The following MYT1L variants were observed in gnomAD, a reference collection of about 807,000 sequenced individuals.
The protein encoded by MYT1L is myelin transcription factor 1-like protein.
MYT1L carries 12 observed loss-of-function variants against 126.7 expected under a neutral mutation model. The ratio of observed to expected loss-of-function variants is 0.09; its 90% CI spans 0.06 to 0.15. The LOEUF (loss-of-function observed/expected upper bound fraction) is 0.15. MYT1L is among the 10% of genes least tolerant of loss of function. The pLI is 1.00. For missense variants in MYT1L, 979 were observed against 1,585.2 expected, an observed-to-expected ratio of 0.62 and a Z score of 6.49; for synonymous variants, 541 against 604.2, an observed-to-expected ratio of 0.90 and a Z score of 1.53.
At chr2:2,307,093 A>G (rs929766290) in intron 1 of MYT1L, among the ~76,000 whole-genome samples, 7 of 152,188 alleles carry the variant, frequency 4.6e-5, no homozygotes, top group African/African-American at 1.7e-4. Flanking sequence ...CGAAGCACAG[A>G]CAATGAATAG....
intron 2 of MYT1L, among the ~76,000 whole-genome samples, chr2:2,248,882 A>G (rs2094583218): frequency 6.6e-6 from 1 of 152,158 alleles, no homozygotes; most frequent in African/African-American, 2.4e-5. Flanking sequence ...CAACATAAGA[A>G]AAGCCATGTA....
intron 9 of MYT1L, among the ~76,000 whole-genome samples, chr2:1,939,449 C>T (rs1186544547): frequency 6.6e-6 from 1 of 152,176 alleles, no homozygotes; most frequent in Admixed American, 6.5e-5. Flanking sequence ...GACAAAAGGA[C>T]GTCTCTGGTA....
chr2:2,231,207 T>C (rs947617083), intron 2 of MYT1L, among the ~76,000 whole-genome samples: 1 of 152,188 alleles, frequency 6.6e-6, no homozygotes, highest in African/African-American at 2.4e-5. Flanking sequence ...TATTAAAGCA[T>C]GAGAGAAGTA....
At chr2:2,270,600 C>T (rs1399506721) in intron 2 of MYT1L, among the ~76,000 whole-genome samples, 1 of 152,000 alleles carries the variant, frequency 6.6e-6, no homozygotes, top group Non-Finnish European at 1.5e-5. Context: ...AAAATTACAG[C>T]CAATCCAAGC....
chr2:1,941,246 G>T (rs112421371), intron 9 of MYT1L, among the ~76,000 whole-genome samples: 1 of 152,070 alleles, frequency 6.6e-6, no homozygotes, highest in African/African-American at 2.4e-5. Context: ...TGGTGTAAAC[G>T]ATACCTATTT....
intron 4 of MYT1L, among the ~76,000 whole-genome samples, chr2:2,040,212 G>A (rs568131897): frequency 1.3e-5 from 2 of 152,166 alleles, no homozygotes; most frequent in Non-Finnish European, 2.9e-5. Context: ...TGTGTCCTCA[G>A]CACTTGACAC....
In MYT1L at chr2:1,789,352, C is replaced by A. The variant is rs928056820; in HGVS notation, c.*2515G>T. On this transcript the variant is annotated 3_prime_UTR_variant, in exon 25 of 25. Transcript: ENST00000647738. Reference sequence around the variant, plus strand: ...CACAATAAATAGTTTATACAAAATTCTGTCTTAATAAATGATTACTTAAAT... The same window carrying A: ...CACAATAAATAGTTTATACAAAATTATGTCTTAATAAATGATTACTTAAAT... 1 of 152,140 alleles carries A rather than the reference C, an allele frequency of 6.6e-6. No homozygotes were observed. Among genetic ancestry groups the A allele is most frequent in the Non-Finnish European group, 1.5e-5 (1 of 68,018 alleles). 9.4% of individuals were successfully genotyped at this position (152,140 alleles called of 1,614,324 possible). A position where few individuals can be genotyped will look rare whatever the true frequency, so the allele number is the denominator to read the frequency against.
At position 1,922,674 on chromosome 2, in the gene MYT1L, C is replaced by G. The variant is rs1469049669; in HGVS notation, c.1095G>C (p.Glu365Asp). The G allele has an allele frequency of 6.2e-7, 1 of 1,613,750 alleles. No homozygotes were observed. Among genetic ancestry groups the G allele is most frequent in the East Asian group, 2.2e-5 (1 of 44,878 alleles). The change falls in exon 10 of 25, where the codon GAG (glutamate) becomes GAC (aspartate). Residue 365 changes from glutamate to aspartate, a missense_variant. Physicochemically the swap from Glu to Asp is conservative, Grantham distance 45 (BLOSUM62 2). Transcript: ENST00000647738. This position sits in a 1 kb window ranked among gnomAD's most constrained non-coding sequence, Gnocchi z 7.4. Reference protein sequence around the residue: ...MNIRQHVRPEEDFPGRTPDRN... With the variant: ...MNIRQHVRPEDDFPGRTPDRN... ...TGTCCGGCGTCCTTCCGGGGAAGTC[C>G]TCTTCTGGCCGGACATGCTGACGGA... is the stretch of plus-strand genomic sequence containing the variant.
At chr2:2,183,792 G>C (rs1241426957) in intron 2 of MYT1L, among the ~76,000 whole-genome samples, 1 of 139,482 alleles carries the variant, frequency 7.2e-6, no homozygotes, top group Non-Finnish European at 1.5e-5. Context: ...AGGAGAGGAG[G>C]GAAGAAAAAA....
intron 3 of MYT1L, among the ~76,000 whole-genome samples, chr2:2,055,713 C>T (rs2069438362): frequency 6.6e-6 from 1 of 152,160 alleles, no homozygotes; most frequent in South Asian, 2.1e-4. Context: ...CATTAATAAT[C>T]AAAGCCACTC....
chr2:2,184,055 A>C (rs2091859302), intron 2 of MYT1L, among the ~76,000 whole-genome samples: 1 of 150,826 alleles, frequency 6.6e-6, no homozygotes, highest in Non-Finnish European at 1.5e-5. Context: ...AAAAGAAAGA[A>C]AGAAAAAAGG....
rs527315769 is a variant in MYT1L, at chr2:2,130,177, G to A, written c.-304+42695C>T. ...GACAACTCAGTATAAAAGGGGTTCCGAATAGGGACGGCAAGTCACAGAGGT... is the reference window on the plus strand; with the variant it reads ...GACAACTCAGTATAAAAGGGGTTCCAAATAGGGACGGCAAGTCACAGAGGT... On this transcript the variant is annotated intron_variant, in intron 3 of 24. Transcript: ENST00000647738. 3.3e-5 allele frequency among the ~76,000 whole-genome samples: 5 copies of A among 151,848 alleles called. No individual in the cohort carries two copies. The South Asian group carries it at 6.3e-4, about 19-fold the overall frequency.
chr2:2,069,146 A>C (rs2074281666), intron 3 of MYT1L, among the ~76,000 whole-genome samples: 1 of 151,986 alleles, frequency 6.6e-6, no homozygotes, highest in African/African-American at 2.4e-5. Context: ...ACAGGCATAC[A>C]TGTGCCATGG....
chr2:2,322,305 C>A (rs545993131), intron 1 of MYT1L, among the ~76,000 whole-genome samples: 1 of 151,984 alleles, frequency 6.6e-6, no homozygotes, highest in South Asian at 2.1e-4. Flanking sequence ...TCAAAGAGCA[C>A]TTCATCTTTG....
chr2:1,942,929 G>C (rs1310996472), intron 9 of MYT1L, 53 bp downstream of exon 9: 2 of 1,483,312 alleles, frequency 1.3e-6, no homozygotes, highest in East Asian at 2.5e-5. Flanking sequence ...AATTCACCTT[G>C]AACAGTGGAC....
chr2:2,234,218 G>T (rs1487047421), intron 2 of MYT1L, among the ~76,000 whole-genome samples: 2 of 152,122 alleles, frequency 1.3e-5, no homozygotes, highest in African/African-American at 2.4e-5. Context: ...CATACATGTT[G>T]CCCTTTTCTA....
At chr2:1,842,866 A>AGCTTCCGCTTCCAGGCGCTTCCAGGC (rs2041947887) in intron 19 of MYT1L, 2 of 85,194 alleles carry the variant, frequency 2.3e-5, no homozygotes, top group East Asian at 7.7e-4. Flanking sequence ...TCGTCTGTCC[A>AGCTTCCGCTTCCAGGCGCTTCCAGGC]GCTTCCGCTT....
At chr2:2,075,748 A>G (rs754972987) in intron 3 of MYT1L, among the ~76,000 whole-genome samples, 11 of 152,264 alleles carry the variant, frequency 7.2e-5, no homozygotes, top group Non-Finnish European at 1.5e-4. Flanking sequence ...TGGCAAAACA[A>G]TAAAATCAAC....
intron 3 of MYT1L, among the ~76,000 whole-genome samples, chr2:2,105,541 A>T (rs2078647630): frequency 6.6e-6 from 1 of 152,148 alleles, no homozygotes; most frequent in African/African-American, 2.4e-5. Context: ...CATGTTTAAT[A>T]TGTTCTTTTT....
Sources: allele counts gnomAD v4.1 joint callset (sites outside exome capture counted in the v4.1 genomes callset), GRCh38; gene constraint gnomAD v4.1.1; non-coding constraint Gnocchi (gnomAD v3.1); transcripts MANE v1.5; gene names NCBI Gene and HGNC (gene_info 2026-07-23, HGNC 2026-07-21).